Variants in GOLPH3 observed in about 807,000 individuals in gnomAD.
GOLPH3 encodes the protein golgi phosphoprotein 3.
A neutral mutation model predicts 28.5 loss-of-function variants in GOLPH3; 14 were observed. That is an observed-to-expected ratio of 0.49 (90% CI 0.32 to 0.77). The LOEUF is 0.77. Ranked by LOEUF, GOLPH3 falls within the 30% of genes least tolerant of loss-of-function variation. The pLI is 0.03. For missense variants in GOLPH3, 350 were observed against 393.7 expected, an observed-to-expected ratio of 0.89 and a Z score of 0.94; for synonymous variants, 158 against 159.2, an observed-to-expected ratio of 0.99 and a Z score of 0.06.
chr5:32,146,390 T>C (rs1746180417), intron 1 of GOLPH3, among the ~76,000 whole-genome samples: 1 of 151,920 alleles, frequency 6.6e-6, no homozygotes, highest in Admixed American at 6.6e-5. Context: ...TTCTAAAATA[T>C]AAGGATGGGA....
chr5:32,126,103 G>A lies in GOLPH3; in HGVS notation c.*109C>T. The A allele has an allele frequency of 8.7e-7, 1 of 1,154,402 alleles. No homozygotes were observed. The highest frequency in any genetic ancestry group is 1.2e-6 in the Non-Finnish European group (1 of 810,816). The allele number at this position is 1,154,402 out of a possible 1,614,324, so 71.5% of individuals were successfully genotyped here. A position where few individuals can be genotyped will look rare whatever the true frequency, so the allele number is the denominator to read the frequency against. ...AAGCCACCCACCATTTTGTAAAACA[G>A]AAGCCAATTATAGTGTGGGAAAGTA... On this transcript the variant is annotated 3_prime_UTR_variant, in exon 4 of 4. Transcript: ENST00000265070.
Position 32,171,170 on chromosome 5 carries a change from A to C in GOLPH3, c.225+2640T>G, listed in dbSNP as rs1435564220. 2.0e-5 allele frequency among the ~76,000 whole-genome samples: 3 copies of C among 152,314 alleles called. No homozygotes were observed. In the East Asian group the frequency reaches 5.8e-4, roughly 29 times the overall value. On this transcript the variant is annotated intron_variant, in intron 1 of 3. Coordinates refer to ENST00000265070, the MANE Select transcript of GOLPH3 (RefSeq NM_022130.4). ...ACAGCATGTTAATATGCTTCACCTT[A>C]AACATTTAGAGCAAGGGTGTCCAAC...
intron 1 of GOLPH3, among the ~76,000 whole-genome samples, chr5:32,154,114 G>T (rs1340921958): frequency 6.6e-6 from 1 of 152,084 alleles, no homozygotes; most frequent in Non-Finnish European, 1.5e-5. Context: ...ATTAATATAA[G>T]TGAATGAAAC....
At chr5:32,138,147 C>A (rs1745976684) in intron 2 of GOLPH3, among the ~76,000 whole-genome samples, 1 of 152,068 alleles carries the variant, frequency 6.6e-6, no homozygotes, top group South Asian at 2.1e-4. Flanking sequence ...TGTGATCTGT[C>A]CACCTCGGCC....
At position 32,126,102 on chromosome 5, in the gene GOLPH3, A is replaced by G; in HGVS notation, c.*110T>C. Reference sequence around the variant, plus strand: ...AAAGCCACCCACCATTTTGTAAAACAGAAGCCAATTATAGTGTGGGAAAGT... The same window carrying G: ...AAAGCCACCCACCATTTTGTAAAACGGAAGCCAATTATAGTGTGGGAAAGT... On this transcript the variant is annotated 3_prime_UTR_variant, in exon 4 of 4. Coordinates refer to ENST00000265070, the MANE Select transcript of GOLPH3 (RefSeq NM_022130.4). 2.6e-6 allele frequency: 3 copies of G among 1,151,094 alleles called. No homozygotes were observed. Among genetic ancestry groups the G allele is most frequent in the Non-Finnish European group, 3.7e-6 (3 of 807,494 alleles). The allele number at this position is 1,151,094 out of a possible 1,614,324, so 71.3% of individuals were successfully genotyped here.
chr5:32,158,115 TAAATAAATAAATAAAATACACAC>T (rs1746485386), intron 1 of GOLPH3, among the ~76,000 whole-genome samples: 8 of 102,688 alleles, frequency 7.8e-5, no homozygotes, highest in African/African-American at 3.4e-4. Flanking sequence ...AATAAATAAA[TAAATAAATAAATAAAATACACAC>T]ACACACACAC....
intron 1 of GOLPH3, among the ~76,000 whole-genome samples, chr5:32,148,306 C>T (rs772915156): frequency 1.3e-5 from 2 of 152,156 alleles, no homozygotes; most frequent in Non-Finnish European, 2.9e-5. Flanking sequence ...AGTTTGCAAC[C>T]GCTAAACATT....
At position 32,125,897 on chromosome 5, in the gene GOLPH3, C is replaced by T. The variant is rs1210806219; in HGVS notation, c.*315G>A. ...AACTCAAGCTGAGGTCATCCAAAAG[C>T]TGTGCGTATGAGGAGGCTGGAGGTA... On this transcript the variant is annotated 3_prime_UTR_variant, in exon 4 of 4. Transcript: ENST00000265070. 1.6e-5 allele frequency: 4 copies of T among 255,964 alleles called. No homozygotes were observed. The highest frequency in any genetic ancestry group is 9.0e-5 in the African/African-American group (4 of 44,328). The allele number at this position is 255,964 out of a possible 1,614,324, so 15.9% of individuals were successfully genotyped here.
At chr5:32,154,020 C>CTGTA (rs1391236017) in intron 1 of GOLPH3, among the ~76,000 whole-genome samples, 1 of 152,204 alleles carries the variant, frequency 6.6e-6, no homozygotes, top group African/African-American at 2.4e-5. Flanking sequence ...GGTTAATAAC[C>CTGTA]TGTATCACAA....
At chr5:32,152,849 G>A (rs1176623911) in intron 1 of GOLPH3, among the ~76,000 whole-genome samples, 1 of 151,256 alleles carries the variant, frequency 6.6e-6, no homozygotes, top group African/African-American at 2.4e-5. Context: ...GCAAAAATGA[G>A]GGAAACAGGC....
intron 1 of GOLPH3, among the ~76,000 whole-genome samples, chr5:32,145,912 CA>C (rs1746172224): frequency 6.6e-6 from 1 of 152,086 alleles, no homozygotes; most frequent in Non-Finnish European, 1.5e-5. Context: ...TAAATGAAGC[CA>C]ACAAAGACAC....
In GOLPH3 at chr5:32,142,265, G is replaced by A. The variant is rs1166814203; in HGVS notation, c.357+1484C>T. ...GCACCTCTGCCCTGCCGCCCCGTCC[G>A]GGATGTGAGGAGCATCTCTGCCCGG... On this transcript the variant is annotated intron_variant, in intron 2 of 3. Coordinates refer to ENST00000265070, the MANE Select transcript of GOLPH3 (RefSeq NM_022130.4). 5.9e-5 allele frequency among the ~76,000 whole-genome samples: 9 copies of A among 151,470 alleles called. No homozygotes were observed. The South Asian group carries it at 6.2e-4, about 10-fold the overall frequency.
intron 1 of GOLPH3, among the ~76,000 whole-genome samples, chr5:32,159,771 C>T (rs374358563): frequency 1.2e-4 from 19 of 152,124 alleles, no homozygotes; most frequent in African/African-American, 3.9e-4. Flanking sequence ...AGTAAAATAT[C>T]ATCACCTTTT....
intron 1 of GOLPH3, among the ~76,000 whole-genome samples, chr5:32,165,248 A>G (rs1746685194): frequency 1.3e-5 from 2 of 152,124 alleles, no homozygotes; most frequent in South Asian, 4.1e-4. Flanking sequence ...CATTGTACTG[A>G]GTGACTGCCA....
At chr5:32,173,185 A>G (rs1746882226) in intron 1 of GOLPH3, among the ~76,000 whole-genome samples, 1 of 152,168 alleles carries the variant, frequency 6.6e-6, no homozygotes, top group African/African-American at 2.4e-5. Flanking sequence ...GATACTAAAA[A>G]TAATCTCTCA....
At chr5:32,156,207 C>T (rs1746422568) in intron 1 of GOLPH3, among the ~76,000 whole-genome samples, 1 of 151,486 alleles carries the variant, frequency 6.6e-6, no homozygotes, top group African/African-American at 2.4e-5. Flanking sequence ...GAAATAAATT[C>T]CTGTTGTTAG....
intron 1 of GOLPH3, among the ~76,000 whole-genome samples, chr5:32,149,634 G>A (rs1173263462): frequency 6.6e-6 from 1 of 152,152 alleles, no homozygotes; most frequent in Admixed American, 6.5e-5. Context: ...GAGAATGAAG[G>A]TGACTTCAGG....
rs1561679071 is a variant in GOLPH3, at chr5:32,158,119, TAAATAAATA to T, written c.226-14248_226-14240del. 4.8e-4 allele frequency among the ~76,000 whole-genome samples: 48 copies of T among 99,992 alleles called. 2 individuals are homozygous for T. Among genetic ancestry groups the T allele is most frequent in the Admixed American group, 1.1e-3 (10 of 9,248 alleles). The allele number at this position is 99,992 out of a possible 152,430, so 65.6% of individuals were successfully genotyped here. On this transcript the variant is annotated intron_variant, in intron 1 of 3. Coordinates refer to ENST00000265070, the MANE Select transcript of GOLPH3 (RefSeq NM_022130.4). ...ATAAATAAATAAATAAATAAATAAA[TAAATAAATA>T]AAATACACACACACACACACACACA...
intron 1 of GOLPH3, among the ~76,000 whole-genome samples, chr5:32,157,795 T>C (rs554223311): frequency 1.1e-3 from 173 of 151,980 alleles, no homozygotes; most frequent in Non-Finnish European, 1.6e-3. Context: ...CTGACCAATA[T>C]AGTGAAACCC....
Sources: allele counts gnomAD v4.1 joint callset (sites outside exome capture counted in the v4.1 genomes callset), GRCh38; gene constraint gnomAD v4.1.1; transcripts MANE v1.5; gene names NCBI Gene and HGNC (gene_info 2026-07-23, HGNC 2026-07-21).